Variants in AQR observed in about 807,000 individuals in gnomAD.
AQR encodes the protein RNA helicase aquarius.
Under a neutral mutation model 180.5 loss-of-function variants are expected in AQR, and 61 were observed. The observed-to-expected ratio is 0.34, with a 90% CI of 0.28 to 0.42. AQR has a LOEUF of 0.42. Among genes scored for constraint, AQR ranks in the 10% least tolerant of loss-of-function variants. The probability of loss-of-function intolerance (pLI) is 1.00; values close to 1 mark genes in which losing one functional copy is unlikely to be tolerated. For synonymous variants in AQR, 551 were observed against 588.8 expected, an observed-to-expected ratio of 0.94 and a Z score of 0.93; for missense variants, 1,281 against 1,798.3, an observed-to-expected ratio of 0.71 and a Z score of 5.20.
intron 16 of AQR, among the ~76,000 whole-genome samples, chr15:34,914,284 CAA>C (rs1323683933): frequency 1.3e-5 from 2 of 152,180 alleles, no homozygotes; most frequent in Non-Finnish European, 2.9e-5. Flanking sequence ...GCATTTGCCT[CAA>C]GTCAGCCATA....
At chr15:34,958,972 G>A (rs1407519468) in intron 3 of AQR, among the ~76,000 whole-genome samples, 1 of 137,268 alleles carries the variant, frequency 7.3e-6, no homozygotes, top group African/African-American at 2.7e-5. Context: ...ATTACATATA[G>A]ATATATAGAT....
At chr15:34,911,080 G>C (rs996032373) in intron 16 of AQR, among the ~76,000 whole-genome samples, 5 of 151,968 alleles carry the variant, frequency 3.3e-5, no homozygotes, top group Admixed American at 1.3e-4. Flanking sequence ...TGTACTCCTG[G>C]TTTATCCATG....
chr15:34,903,545 G>A (rs1228310708), intron 19 of AQR, among the ~76,000 whole-genome samples: 1 of 152,070 alleles, frequency 6.6e-6, no homozygotes, highest in Admixed American at 6.6e-5. Flanking sequence ...GAGAAATTAA[G>A]GATATCTCCA....
Position 34,873,829 on chromosome 15 carries a change from T to C in AQR, c.3596A>G (p.Gln1199Arg). The C allele has an allele frequency of 6.4e-7, 1 of 1,564,704 alleles. No homozygotes were observed. Among genetic ancestry groups the C allele is most frequent in the Non-Finnish European group, 8.7e-7 (1 of 1,154,022 alleles). The change falls in exon 30 of 35, where the codon CAG becomes CGG. Residue 1199 changes from glutamine to arginine, a missense_variant and splice_region_variant. Gln to Arg is a conservative substitution (Grantham distance 43). Transcript: ENST00000156471. ...GESEPNPYFY[Q>R]NLGEAEYVVA... ...TATAAGCTTCCTATTTTTTCTTACC[T>C]GATAGAAGTAAGGATTAGGTTCAGA...
intron 17 of AQR, among the ~76,000 whole-genome samples, chr15:34,908,194 G>A (rs750822661): frequency 1.3e-5 from 2 of 152,204 alleles, no homozygotes; most frequent in African/African-American, 2.4e-5. Context: ...GCTCACGCCT[G>A]TAATCCCAGC....
intron 19 of AQR, among the ~76,000 whole-genome samples, chr15:34,903,620 A>C (rs1427667276): frequency 6.6e-6 from 1 of 152,298 alleles, no homozygotes; most frequent in Non-Finnish European, 1.5e-5. Flanking sequence ...TTCTTAAAAA[A>C]TCACAACAAC....
intron 15 of AQR, among the ~76,000 whole-genome samples, chr15:34,915,486 G>A (rs571430454): frequency 2.0e-5 from 3 of 150,098 alleles, no homozygotes; most frequent in African/African-American, 7.3e-5. Context: ...CACCGCACCC[G>A]GCCTGAATTA....
At position 34,857,125 on chromosome 15, in the gene AQR, AC is replaced by A. The variant is rs1892598302; in HGVS notation, c.4144-20del. 3.3e-6 allele frequency: 5 copies of A among 1,524,004 alleles called. No homozygotes were observed. Among genetic ancestry groups the A allele is most frequent in the Non-Finnish European group, 3.5e-6 (4 of 1,139,818 alleles). 94.4% of individuals were successfully genotyped at this position (1,524,004 alleles called of 1,614,324 possible). A position where few individuals can be genotyped will look rare whatever the true frequency, so the allele number is the denominator to read the frequency against. ...ATAAAGTCTAATTAAAAAAAAAAAA[AC>A]AAAGACAATACCAATATGAAAAACA... is the stretch of plus-strand genomic sequence containing the variant. On this transcript the variant is annotated intron_variant, in intron 34 of 34. Coordinates refer to ENST00000156471, the MANE Select transcript of AQR (RefSeq NM_014691.3).
chr15:34,946,891 G>C (rs1218141888), intron 5 of AQR, among the ~76,000 whole-genome samples: 1 of 149,464 alleles, frequency 6.7e-6, no homozygotes, highest in African/African-American at 2.5e-5. Context: ...GAGGTGGGGG[G>C]GGTCAGCCCC....
At chr15:34,929,620 C>CATG (rs1893820000) in intron 12 of AQR, among the ~76,000 whole-genome samples, 1 of 152,154 alleles carries the variant, frequency 6.6e-6, no homozygotes, top group Admixed American at 6.5e-5. Context: ...AGTCAAGTAG[C>CATG]ATGATGCCTC....
At chr15:34,949,085 C>T (rs919767083) in intron 4 of AQR, among the ~76,000 whole-genome samples, 1 of 151,912 alleles carries the variant, frequency 6.6e-6, no homozygotes. Context: ...CTCCACCTCC[C>T]GGATTCAAGC....
At chr15:34,927,585 A>C (rs1288045852) in intron 12 of AQR, among the ~76,000 whole-genome samples, 1 of 152,230 alleles carries the variant, frequency 6.6e-6, no homozygotes, top group Non-Finnish European at 1.5e-5. Flanking sequence ...CTGGGAAAAG[A>C]CCTCACAGGG....
intron 12 of AQR, 35 bp downstream of exon 12, chr15:34,930,223 T>C (rs1036549910): frequency 1.5e-6 from 2 of 1,326,364 alleles, no homozygotes; most frequent in Non-Finnish European, 2.1e-6. Context: ...TAAAACCTTA[T>C]GGAGCATACA....
At chr15:34,921,051 C>G (rs1247642021) in intron 13 of AQR, among the ~76,000 whole-genome samples, 1 of 152,070 alleles carries the variant, frequency 6.6e-6, no homozygotes, top group Non-Finnish European at 1.5e-5. Flanking sequence ...AAAATTAATA[C>G]TATTAAATTT....
intron 9 of AQR, among the ~76,000 whole-genome samples, chr15:34,937,092 C>G (rs1174308712): frequency 1.3e-5 from 2 of 152,176 alleles, no homozygotes; most frequent in Non-Finnish European, 2.9e-5. Context: ...GGCTGGAGTG[C>G]AGTGGCACAA....
intron 9 of AQR, among the ~76,000 whole-genome samples, chr15:34,936,117 A>G (rs1254140787): frequency 1.3e-5 from 2 of 152,136 alleles, no homozygotes; most frequent in Middle Eastern, 3.2e-3. Context: ...TTCAGACACA[A>G]ATATATCCTT....
chr15:34,969,396 A>T, intron 1 of AQR, 143 bp downstream of exon 1: 1 of 877,068 alleles, frequency 1.1e-6, no homozygotes, highest in Non-Finnish European at 1.8e-6. Context: ...CGGAGCTGAT[A>T]CTCAGTAAAA....
chr15:34,897,882 TG>T (rs1398889403), intron 20 of AQR, among the ~76,000 whole-genome samples, 177 bp from the exon 21 acceptor site: 1 of 152,228 alleles, frequency 6.6e-6, no homozygotes, highest in Non-Finnish European at 1.5e-5. Context: ...TAACGTGTGT[TG>T]GGAGTTTTCA....
chr15:34,872,709 T>G (rs1892837455), intron 30 of AQR, among the ~76,000 whole-genome samples: 1 of 152,142 alleles, frequency 6.6e-6, no homozygotes, highest in East Asian at 1.9e-4. Flanking sequence ...AACCAAATAT[T>G]TGGAGGGACA....
Sources: gnomAD v4.1 joint callset for allele counts (sites outside exome capture counted in the v4.1 genomes callset) on GRCh38, gnomAD v4.1.1 for gene constraint, MANE v1.5 for transcripts, NCBI Gene and HGNC (gene_info 2026-07-23, HGNC 2026-07-21) for gene names.